The following HPSE2 variants were observed in gnomAD, a reference collection of about 807,000 sequenced individuals.
HPSE2 encodes inactive heparanase-2.
A neutral mutation model predicts 60.5 loss-of-function variants in HPSE2; 38 were observed. The ratio of observed to expected loss-of-function variants is 0.63; its 90% CI spans 0.48 to 0.82. The LOEUF is 0.82. Among genes scored for constraint, HPSE2 ranks in the 40% least tolerant of loss-of-function variants. The pLI is 0.00. For synonymous variants in HPSE2, 295 were observed against 293.2 expected, an observed-to-expected ratio of 1.01 and a Z score of -0.06; for missense variants, 713 against 740.4, an observed-to-expected ratio of 0.96 and a Z score of 0.43.
intron 9 of HPSE2, among the ~76,000 whole-genome samples, chr10:98,558,071 A>G (rs1427674636): frequency 6.6e-6 from 1 of 152,220 alleles, no homozygotes; most frequent in Non-Finnish European, 1.5e-5. Flanking sequence ...AATCACAGCA[A>G]TATAAAACAA....
chr10:98,459,483 G>T lies in HPSE2; in HGVS notation c.*91C>A. 3 of 1,367,774 alleles carry T rather than the reference G, an allele frequency of 2.2e-6. No homozygotes were observed. Among genetic ancestry groups the T allele is most frequent in the Non-Finnish European group, 1.0e-6 (1 of 956,838 alleles). 84.7% of individuals were successfully genotyped at this position (1,367,774 alleles called of 1,614,324 possible). A position where few individuals can be genotyped will look rare whatever the true frequency, so the allele number is the denominator to read the frequency against. ...CAGGATGGGGCAGCAGGGGCTGGTT[G>T]CTAGGATGTCTGAAAACAGAGGATA... On this transcript the variant is annotated 3_prime_UTR_variant, in exon 12 of 12. Coordinates refer to ENST00000370552, the MANE Select transcript of HPSE2 (RefSeq NM_021828.5).
intron 3 of HPSE2, among the ~76,000 whole-genome samples, chr10:98,946,871 G>A (rs905516313): frequency 2.6e-5 from 4 of 152,040 alleles, no homozygotes; most frequent in Non-Finnish European, 5.9e-5. Flanking sequence ...AACACCATGT[G>A]AGGCTAATCA....
At chr10:99,155,756 A>C (rs1846520634) in intron 2 of HPSE2, among the ~76,000 whole-genome samples, 1 of 149,566 alleles carries the variant, frequency 6.7e-6, no homozygotes, top group Non-Finnish European at 1.5e-5. Flanking sequence ...CTAAAATCAG[A>C]GCAGAACTGA....
At chr10:98,719,163 G>T (rs556364300) in intron 5 of HPSE2, among the ~76,000 whole-genome samples, 1 of 151,856 alleles carries the variant, frequency 6.6e-6, no homozygotes, top group Non-Finnish European at 1.5e-5. Flanking sequence ...CTGTTTTTAC[G>T]TTAGATGACC....
chr10:98,648,448 A>AGTG (rs1167299907), intron 6 of HPSE2, among the ~76,000 whole-genome samples: 4 of 152,124 alleles, frequency 2.6e-5, no homozygotes, highest in Admixed American at 1.3e-4. Flanking sequence ...GAAACTTAAC[A>AGTG]CAAGTTGTGG....
intron 1 of HPSE2, among the ~76,000 whole-genome samples, chr10:99,234,477 C>G (rs924097452): frequency 7.2e-5 from 11 of 152,218 alleles, no homozygotes; most frequent in African/African-American, 1.9e-4. Flanking sequence ...GAGGGGAACC[C>G]ACAGCTGAGG....
intron 11 of HPSE2, among the ~76,000 whole-genome samples, chr10:98,472,526 T>G (rs955036570): frequency 2.0e-5 from 3 of 152,164 alleles, no homozygotes; most frequent in African/African-American, 7.2e-5. Flanking sequence ...AATTATCCTA[T>G]TTTTTCCTGA....
intron 3 of HPSE2, among the ~76,000 whole-genome samples, chr10:98,948,655 T>C (rs1955259704): frequency 6.6e-6 from 1 of 152,086 alleles, no homozygotes; most frequent in South Asian, 2.1e-4. Flanking sequence ...CCAGAAATTA[T>C]GATGGTATTT....
At chr10:99,050,216 C>A (rs887933794) in intron 3 of HPSE2, among the ~76,000 whole-genome samples, 10 of 151,924 alleles carry the variant, frequency 6.6e-5, no homozygotes, top group African/African-American at 2.4e-4. Flanking sequence ...GTGAGAGGAT[C>A]ACCTGAGCCC....
intron 3 of HPSE2, among the ~76,000 whole-genome samples, chr10:98,810,693 GGAA>G (rs1227898103): frequency 5.3e-5 from 8 of 151,778 alleles, no homozygotes; most frequent in East Asian, 3.9e-4. Flanking sequence ...GGGCCACACT[GGAA>G]GAAGAAGAAT....
chr10:98,556,162 C>A (rs574945913), intron 9 of HPSE2, among the ~76,000 whole-genome samples: 1 of 152,126 alleles, frequency 6.6e-6, no homozygotes, highest in African/African-American at 2.4e-5. Flanking sequence ...TACCAGATAG[C>A]GACACAGAGT....
intron 3 of HPSE2, among the ~76,000 whole-genome samples, chr10:98,948,836 G>A (rs1365701782): frequency 6.6e-6 from 1 of 151,946 alleles, no homozygotes; most frequent in Non-Finnish European, 1.5e-5. Context: ...TTAATGAATA[G>A]TAAATATGTT....
chr10:99,199,504 C>T (rs1007607667), intron 2 of HPSE2, among the ~76,000 whole-genome samples: 9 of 151,962 alleles, frequency 5.9e-5, no homozygotes, highest in African/African-American at 2.2e-4. Context: ...GTGGATATCC[C>T]GTTTTCCCAA....
At position 98,459,409 on chromosome 10, in the gene HPSE2, A is replaced by C; in HGVS notation, c.*165T>G. 1 of 799,802 alleles carries C rather than the reference A, an allele frequency of 1.3e-6. No individual in the cohort carries two copies. Among genetic ancestry groups the C allele is most frequent in the African/African-American group, 1.7e-5 (1 of 59,270 alleles). The allele number at this position is 799,802 out of a possible 1,614,324, so 49.5% of individuals were successfully genotyped here. The stretch of plus-strand genomic sequence containing the variant: ...GATGTGGCCTACCTAGGCTAAGATC[A>C]CGCTATGACATTTAGTCTCTTTGGA... On this transcript the variant is annotated 3_prime_UTR_variant, in exon 12 of 12. Transcript: ENST00000370552.
At chr10:98,709,051 A>G (rs1297453752) in intron 5 of HPSE2, among the ~76,000 whole-genome samples, 2 of 152,154 alleles carry the variant, frequency 1.3e-5, no homozygotes, top group Non-Finnish European at 2.9e-5. Context: ...TTATATCTGT[A>G]TTGACACTGT....
chr10:98,760,748 T>C (rs747960732), intron 3 of HPSE2, among the ~76,000 whole-genome samples: 2 of 152,178 alleles, frequency 1.3e-5, no homozygotes, highest in African/African-American at 2.4e-5. Flanking sequence ...GATACTTTCC[T>C]ATAATTTTCT....
At chr10:99,204,168 T>C (rs1848666605) in intron 2 of HPSE2, among the ~76,000 whole-genome samples, 1 of 152,062 alleles carries the variant, frequency 6.6e-6, no homozygotes, top group South Asian at 2.1e-4. Flanking sequence ...TGACCATTCA[T>C]ACAGGCCCCA....
At chr10:98,950,651 T>C (rs1264317794) in intron 3 of HPSE2, among the ~76,000 whole-genome samples, 1 of 152,212 alleles carries the variant, frequency 6.6e-6, no homozygotes, top group Non-Finnish European at 1.5e-5. Context: ...ATATAATTAA[T>C]CTGGCATTTA....
At chr10:99,215,162 C>A (rs1003796288) in intron 2 of HPSE2, among the ~76,000 whole-genome samples, 2 of 152,136 alleles carry the variant, frequency 1.3e-5, no homozygotes, top group African/African-American at 4.8e-5. Flanking sequence ...ATGTTTACTG[C>A]AACACTATTT....
Sources: allele counts gnomAD v4.1 joint callset (sites outside exome capture counted in the v4.1 genomes callset), GRCh38; gene constraint gnomAD v4.1.1; transcripts MANE v1.5; gene names NCBI Gene and HGNC (gene_info 2026-07-23, HGNC 2026-07-21).